PHF14: variants seen among roughly 807,000 people sequenced by gnomAD.
The protein encoded by PHF14 is PHD finger protein 14.
In PHF14, 55 loss-of-function variants were observed where a neutral mutation model predicts 117.9. The observed-to-expected ratio is 0.47, with a 90% CI of 0.38 to 0.58. The LOEUF (loss-of-function observed/expected upper bound fraction) is 0.58, where lower values mean the gene tolerates loss of function less well. Among genes scored for constraint, PHF14 ranks in the 20% least tolerant of loss-of-function variants. The pLI is 0.00. For missense variants in PHF14, 978 were observed against 1,122.2 expected (o/e 0.87, Z 1.84); for synonymous variants, 409 against 368.6 (o/e 1.11, Z -1.26).
chr7:11,070,313 A>G (rs1205888291), intron 16 of PHF14, among the ~76,000 whole-genome samples: 3 of 151,986 alleles, frequency 2.0e-5, no homozygotes, highest in Non-Finnish European at 4.4e-5. Context: ...TGTGAACTCA[A>G]ACAATCCTCT....
At chr7:11,019,487 G>T (rs563647186) in intron 5 of PHF14, among the ~76,000 whole-genome samples, 1 of 152,084 alleles carries the variant, frequency 6.6e-6, no homozygotes, top group Non-Finnish European at 1.5e-5. Context: ...ATGTGTCTAG[G>T]AGTTCATCCA....
chr7:11,152,322 T>G (rs990874786), intron 17 of PHF14, among the ~76,000 whole-genome samples: 34 of 152,178 alleles, frequency 2.2e-4, no homozygotes, highest in Non-Finnish European at 4.9e-4. Context: ...CTCTAATATT[T>G]TTGGATATGT....
intron 4 of PHF14, among the ~76,000 whole-genome samples, chr7:10,999,032 C>T (rs186609756): frequency 2.5e-4 from 38 of 152,228 alleles, no homozygotes; most frequent in Middle Eastern, 3.4e-3. Flanking sequence ...AAAGTTCTGG[C>T]GGCACTAGGG....
intron 17 of PHF14, among the ~76,000 whole-genome samples, chr7:11,151,004 G>A (rs1037331232): frequency 1.3e-5 from 2 of 151,948 alleles, no homozygotes; most frequent in African/African-American, 4.8e-5. Context: ...GTCTTAATGG[G>A]TTTTCTGTTT....
chr7:11,081,168 A>T (rs903281184), intron 16 of PHF14, among the ~76,000 whole-genome samples: 1 of 152,186 alleles, frequency 6.6e-6, no homozygotes, highest in African/African-American at 2.4e-5. Flanking sequence ...TCTAGTTTGG[A>T]AAACGAGATA....
chr7:11,101,930 A>G (rs1787108029), intron 16 of PHF14, among the ~76,000 whole-genome samples: 1 of 151,866 alleles, frequency 6.6e-6, no homozygotes, highest in South Asian at 2.1e-4. Flanking sequence ...GTAACCAAAC[A>G]TATTTCTAAT....
intron 16 of PHF14, among the ~76,000 whole-genome samples, chr7:11,091,674 C>T (rs1183171986): frequency 6.6e-6 from 1 of 152,062 alleles, no homozygotes; most frequent in Non-Finnish European, 1.5e-5. Context: ...GGAAGAATCA[C>T]CTGAACCCGG....
In PHF14 at chr7:10,974,116, G is replaced by T; in HGVS notation, c.-208G>T. 3 of 564,286 alleles carry T rather than the reference G, an allele frequency of 5.3e-6. No homozygotes were observed. The highest frequency in any genetic ancestry group is 4.2e-5 in the South Asian group (2 of 47,740). 35.0% of individuals were successfully genotyped at this position (564,286 alleles called of 1,614,324 possible). A position where few individuals can be genotyped will look rare whatever the true frequency, so the allele number is the denominator to read the frequency against. On this transcript the variant is annotated 5_prime_UTR_variant, in exon 1 of 18. Coordinates refer to ENST00000634607, the MANE Select transcript of PHF14 (RefSeq NM_001007157.2). ...GAGCGCTGTGGGAAGGGGCTCGAGC[G>T]GCCAGGGCCAGGCGAGGCCGGGGGG...
intron 16 of PHF14, among the ~76,000 whole-genome samples, chr7:11,087,175 A>G (rs956229780): frequency 2.7e-4 from 40 of 149,876 alleles, no homozygotes; most frequent in African/African-American, 8.9e-4. Context: ...TTTTATGGTA[A>G]TAGAAAGCAC....
intron 17 of PHF14, among the ~76,000 whole-genome samples, chr7:11,120,666 A>G (rs997454693): frequency 5.3e-5 from 8 of 152,026 alleles, no homozygotes; most frequent in Non-Finnish European, 1.0e-4. Flanking sequence ...GATTTTCTAA[A>G]TGTACTGTAG....
intron 16 of PHF14, among the ~76,000 whole-genome samples, chr7:11,067,042 G>C (rs1050724991): frequency 1.5e-4 from 23 of 152,148 alleles, no homozygotes; most frequent in Non-Finnish European, 1.2e-4. Flanking sequence ...TTAACCCATA[G>C]GATAGGGGGG....
chr7:11,139,989 A>G (rs1428916759), intron 17 of PHF14, among the ~76,000 whole-genome samples: 1 of 152,154 alleles, frequency 6.6e-6, no homozygotes, highest in Non-Finnish European at 1.5e-5. Flanking sequence ...AGTAACTTCC[A>G]GAGGTCTTTG....
intron 14 of PHF14, among the ~76,000 whole-genome samples, chr7:11,055,255 T>C (rs1354473252): frequency 6.6e-6 from 1 of 152,182 alleles, no homozygotes; most frequent in Admixed American, 6.5e-5. Context: ...TACTTTAAAA[T>C]TGGTGTTTAT....
intron 17 of PHF14, among the ~76,000 whole-genome samples, chr7:11,142,093 G>A (rs1049887958): frequency 3.3e-5 from 5 of 151,980 alleles, no homozygotes; most frequent in Admixed American, 6.6e-5. Flanking sequence ...TTTTGCTGCT[G>A]CATATGCTTC....
At chr7:11,017,017 C>G (rs796288595) in intron 5 of PHF14, among the ~76,000 whole-genome samples, 8 of 152,284 alleles carry the variant, frequency 5.3e-5, no homozygotes, top group African/African-American at 1.9e-4. Context: ...CTTGCTGTGC[C>G]TGGCTTATTT....
At chr7:11,121,105 T>C (rs1787739607) in intron 17 of PHF14, among the ~76,000 whole-genome samples, 2 of 152,188 alleles carry the variant, frequency 1.3e-5, no homozygotes, top group African/African-American at 4.8e-5. Flanking sequence ...GTATGCAGTT[T>C]CTGATAACAA....
chr7:11,047,638 T>C lies in PHF14; in HGVS notation c.2313-3974T>C, dbSNP rs569299598. Among the ~76,000 whole-genome samples, 4 of 149,878 alleles carry C rather than the reference T, an allele frequency of 2.7e-5. No homozygotes were observed. The South Asian group carries it at 8.5e-4, about 32-fold the overall frequency. ...CCTGTCTCTACTAAAAATACAAAAA[T>C]TAGCTAGGAATGGTGATGGGGATTC... On this transcript the variant is annotated intron_variant, in intron 13 of 17. Transcript: ENST00000634607.
chr7:10,997,186 G>C (rs1782684192), intron 4 of PHF14, among the ~76,000 whole-genome samples: 1 of 151,860 alleles, frequency 6.6e-6, no homozygotes, highest in African/African-American at 2.4e-5. Flanking sequence ...ATCTCATTTT[G>C]TTTCTCTATA....
chr7:11,124,312 T>C (rs1277956859), intron 17 of PHF14, among the ~76,000 whole-genome samples: 1 of 152,160 alleles, frequency 6.6e-6, no homozygotes, highest in African/African-American at 2.4e-5. Context: ...TGTTATATAA[T>C]GGTATTTTGA....
Sources: gnomAD v4.1 joint callset for allele counts (sites outside exome capture counted in the v4.1 genomes callset) on GRCh38, gnomAD v4.1.1 for gene constraint, MANE v1.5 for transcripts, NCBI Gene and HGNC (gene_info 2026-07-23, HGNC 2026-07-21) for gene names.